MYO3A: variants seen among roughly 807,000 people sequenced by gnomAD.
The protein encoded by MYO3A is myosin IIIA, also known as myosin-IIIa.
MYO3A carries 180 observed loss-of-function variants against 192.7 expected under a neutral mutation model. The ratio of observed to expected loss-of-function variants is 0.93; its 90% CI spans 0.83 to 1.06. MYO3A has a LOEUF of 1.06. Ranked by LOEUF, MYO3A falls within the 50% of genes least tolerant of loss-of-function variation. The pLI is 0.00. For synonymous variants in MYO3A, 628 were observed against 645.3 expected, an observed-to-expected ratio of 0.97 and a Z score of 0.41; for missense variants, 1,896 against 1,905.0, an observed-to-expected ratio of 1.00 and a Z score of 0.09.
At chr10:26,202,090 C>A (rs1022676126) in intron 33 of MYO3A, among the ~76,000 whole-genome samples, 10 of 152,270 alleles carry the variant, frequency 6.6e-5, no homozygotes, top group Non-Finnish European at 5.9e-5. Flanking sequence ...TTCTCCTTTT[C>A]TTATATTTCC....
At chr10:26,006,584 C>T (rs1161274590) in intron 6 of MYO3A, among the ~76,000 whole-genome samples, 1 of 152,178 alleles carries the variant, frequency 6.6e-6, no homozygotes, top group Admixed American at 6.5e-5. Context: ...AAACTACCAT[C>T]AGAGAATAGT....
chr10:26,148,440 C>T (rs1317361770), intron 23 of MYO3A, among the ~76,000 whole-genome samples: 1 of 152,170 alleles, frequency 6.6e-6, no homozygotes, highest in Non-Finnish European at 1.5e-5. Context: ...TACAAGTTAA[C>T]CTGACTTTGT....
At chr10:26,165,781 T>C (rs535948393) in intron 26 of MYO3A, 1 of 451,882 alleles carries the variant, frequency 2.2e-6, no homozygotes, top group African/African-American at 2.0e-5. Context: ...AAACTGCTAA[T>C]TTTTTTGACT....
chr10:25,969,056 G>A (rs973189279), intron 4 of MYO3A, among the ~76,000 whole-genome samples: 4 of 152,166 alleles, frequency 2.6e-5, no homozygotes, highest in Admixed American at 6.5e-5. Flanking sequence ...TGGCTAATAC[G>A]GTGAAACCCC....
intron 26 of MYO3A, among the ~76,000 whole-genome samples, chr10:26,157,930 A>G (rs1841243977): frequency 6.6e-6 from 1 of 152,096 alleles, no homozygotes; most frequent in Non-Finnish European, 1.5e-5. Context: ...GGGGGATGCT[A>G]CTGACCTCTA....
At chr10:26,157,602 CT>C in intron 26 of MYO3A, 87 bp downstream of exon 26, 1 of 1,409,832 alleles carries the variant, frequency 7.1e-7, no homozygotes, top group Non-Finnish European at 9.9e-7. Context: ...ATGAAAAAAT[CT>C]TTAGAGGTCT....
rs200120099 is a variant in MYO3A, at chr10:26,176,839, C to A, written c.4432C>A (p.Leu1478Ile). ...TAGACGAGTTTCTTCTCAGCAGTGC[C>A]TCTCAGGTAAAAATCAGTAGAGTTA... ...INRRVSSQQC[L>I]SGVCKGEEPK... Residue 1478 changes from leucine (L) to isoleucine (I), a missense_variant, in exon 31 of 35, where the codon CTC (leucine) becomes ATC (isoleucine). Leu to Ile is a conservative substitution (Grantham distance 5). Coordinates refer to ENST00000642920, the MANE Select transcript of MYO3A (RefSeq NM_017433.5). The A allele has an allele frequency of 6.2e-7, 1 of 1,613,998 alleles. No individual in the cohort carries two copies. The highest frequency in any genetic ancestry group is 1.3e-5 in the African/African-American group (1 of 74,918).
In MYO3A at chr10:26,024,020, A is replaced by C. The variant is rs1023746725; in HGVS notation, c.732-2A>C. 9.9e-6 allele frequency: 16 copies of C among 1,611,824 alleles called. No individual in the cohort carries two copies. Among genetic ancestry groups the C allele is most frequent in the Non-Finnish European group, 1.4e-5 (16 of 1,178,230 alleles). ...ATCCAACATTGATTCTTATTTTTCT[A>C]GGAATCCACCCCCAAAACTAAGGCA... On this transcript the variant is annotated splice_acceptor_variant, in intron 8 of 34. Coordinates refer to ENST00000642920, the MANE Select transcript of MYO3A (RefSeq NM_017433.5). LOFTEE classifies it high-confidence loss of function.
At chr10:26,032,802 A>G (rs1389990705) in intron 10 of MYO3A, among the ~76,000 whole-genome samples, 2 of 152,160 alleles carry the variant, frequency 1.3e-5, no homozygotes, top group Non-Finnish European at 2.9e-5. Flanking sequence ...TCCATGTGGC[A>G]CAATGCATGA....
chr10:25,939,297 A>G (rs1377331400), intron 2 of MYO3A, among the ~76,000 whole-genome samples: 1 of 151,936 alleles, frequency 6.6e-6, no homozygotes, highest in Non-Finnish European at 1.5e-5. Context: ...TTTAAAAAAA[A>G]TTATCTTTAA....
rs530778809 is a variant in MYO3A at position 26,062,317 on chromosome 10, G to A, written c.954-4658G>A. On this transcript the variant is annotated intron_variant, in intron 10 of 34. Transcript: ENST00000642920. ...GGGCAGATCACGAGGTCAGGAGATT[G>A]AGACCATCCTGGCTAACATGGTGAA... 6.6e-5 allele frequency among the ~76,000 whole-genome samples: 10 copies of A among 151,646 alleles called. No homozygotes were observed. In the East Asian group the frequency reaches 1.9e-3, roughly 30 times the overall value.
intron 10 of MYO3A, among the ~76,000 whole-genome samples, chr10:26,065,467 C>T (rs924328449): frequency 1.3e-5 from 2 of 151,580 alleles, no homozygotes; most frequent in African/African-American, 4.9e-5. Flanking sequence ...CGCCTGTAAT[C>T]CCAGCCACTC....
intron 10 of MYO3A, among the ~76,000 whole-genome samples, chr10:26,042,228 C>G (rs891006363): frequency 3.3e-5 from 5 of 152,064 alleles, no homozygotes; most frequent in African/African-American, 1.2e-4. Flanking sequence ...CTTCTTTTGT[C>G]TCACTACTTT....
intron 26 of MYO3A, among the ~76,000 whole-genome samples, chr10:26,162,304 A>T (rs1206572576): frequency 6.6e-6 from 1 of 152,258 alleles, no homozygotes; most frequent in Non-Finnish European, 1.5e-5. Flanking sequence ...GCAGAGAATA[A>T]TAAAAGTAAT....
At chr10:26,189,094 A>G (rs934242720) in intron 31 of MYO3A, among the ~76,000 whole-genome samples, 2 of 152,232 alleles carry the variant, frequency 1.3e-5, no homozygotes, top group Admixed American at 6.5e-5. Context: ...GAAATAAAAG[A>G]GGATACAAAC....
chr10:26,211,766 C>T, intron 34 of MYO3A, 77 bp from the exon 35 acceptor site: 4 of 1,597,716 alleles, frequency 2.5e-6, no homozygotes, highest in East Asian at 2.2e-5. Flanking sequence ...GAAGAGGACC[C>T]GCCTAACTCG....
intron 6 of MYO3A, among the ~76,000 whole-genome samples, chr10:26,016,135 G>A (rs929495700): frequency 1.3e-5 from 2 of 152,154 alleles, no homozygotes; most frequent in African/African-American, 4.8e-5. Context: ...TCTCTTGAAG[G>A]TCAGTTATGA....
chr10:25,993,831 G>A (rs1840228838), intron 4 of MYO3A, among the ~76,000 whole-genome samples: 1 of 152,182 alleles, frequency 6.6e-6, no homozygotes, highest in Admixed American at 6.5e-5. Context: ...TTTTGAATGA[G>A]TTTCTTAATC....
intron 25 of MYO3A, among the ~76,000 whole-genome samples, chr10:26,155,342 A>AT (rs1841052181): frequency 6.6e-6 from 1 of 152,224 alleles, no homozygotes; most frequent in East Asian, 1.9e-4. Flanking sequence ...GCATAGGATC[A>AT]AGGCGACCTT....
Sources: allele counts gnomAD v4.1 joint callset (sites outside exome capture counted in the v4.1 genomes callset), GRCh38; gene constraint gnomAD v4.1.1; transcripts MANE v1.5; gene names NCBI Gene and HGNC (gene_info 2026-07-23, HGNC 2026-07-21).